Variants in GPT2 observed in about 807,000 individuals in gnomAD.
GPT2 encodes alanine aminotransferase 2.
Under a neutral mutation model 56.9 loss-of-function variants are expected in GPT2, and 30 were observed. That is an observed-to-expected ratio of 0.53 (90% confidence interval 0.39 to 0.72). The LOEUF is 0.72. Ranked by LOEUF, GPT2 falls within the 30% of genes least tolerant of loss-of-function variation. GPT2 has a pLI of 0.00. For missense variants in GPT2, 542 were observed against 703.4 expected, an observed-to-expected ratio of 0.77 and a Z score of 2.60; for synonymous variants, 271 against 283.1, an observed-to-expected ratio of 0.96 and a Z score of 0.43.
At chr16:46,910,523 C>G (rs1281364230) in intron 6 of GPT2, among the ~76,000 whole-genome samples, 1 of 151,986 alleles carries the variant, frequency 6.6e-6, no homozygotes, top group Non-Finnish European at 1.5e-5. Flanking sequence ...CCACTGCACT[C>G]CAGCCTGGGC....
At chr16:46,912,062 A>G (rs1961056605) in intron 6 of GPT2, among the ~76,000 whole-genome samples, 2 of 152,172 alleles carry the variant, frequency 1.3e-5, no homozygotes, top group Admixed American at 1.3e-4. Context: ...CAGCTGTGAG[A>G]AGAGGGTCTC....
chr16:46,917,507 A>G (rs1392997875), intron 7 of GPT2, among the ~76,000 whole-genome samples: 1 of 152,180 alleles, frequency 6.6e-6, no homozygotes, highest in African/African-American at 2.4e-5. Flanking sequence ...CCAGTTCTGG[A>G]ACCAGGGTCT....
chr16:46,908,726 G>T (rs897389653), intron 5 of GPT2, among the ~76,000 whole-genome samples: 4 of 152,152 alleles, frequency 2.6e-5, no homozygotes, highest in Non-Finnish European at 5.9e-5. Flanking sequence ...ATTGCCTTCT[G>T]CTGTCAAGGC....
In GPT2 at chr16:46,929,990, T is replaced by A. The variant is rs1410273455; in HGVS notation, c.*993T>A. 1.3e-5 allele frequency: 2 copies of A among 152,866 alleles called. No individual in the cohort carries two copies. Among genetic ancestry groups the A allele is most frequent in the Non-Finnish European group, 2.9e-5 (2 of 68,098 alleles). The allele number at this position is 152,866 out of a possible 1,614,324, so 9.5% of individuals were successfully genotyped here. A position where few individuals can be genotyped will look rare whatever the true frequency, so the allele number is the denominator to read the frequency against. On this transcript the variant is annotated 3_prime_UTR_variant, in exon 12 of 12. Coordinates refer to ENST00000340124, the MANE Select transcript of GPT2 (RefSeq NM_133443.4). ...GAGCAGCCAAGGCCCTGTCCTTTCT[T>A]GAATGGTGGCGAGCTGAATCTGGTC... is the stretch of plus-strand genomic sequence containing the variant.
chr16:46,885,080 C>T (rs1291567193), intron 2 of GPT2, 122 bp downstream of exon 2: 4 of 1,350,500 alleles, frequency 3.0e-6, no homozygotes, highest in Admixed American at 3.5e-5. Context: ...GTCAGCCAAG[C>T]CTGGCTAAAA....
rs982327526 is a variant in GPT2 at position 46,927,053 on chromosome 16, C to A, written c.1481+16C>A. Reference sequence around the variant, plus strand: ...ACCACTTCAGGTATGACTTCCTCTCCGCACTAGGGGCTGGTCCGGGTCTTG... The same window carrying A: ...ACCACTTCAGGTATGACTTCCTCTCAGCACTAGGGGCTGGTCCGGGTCTTG... On this transcript the variant is annotated intron_variant, in intron 11 of 11. Transcript: ENST00000340124. 2 of 1,499,588 alleles carry A rather than the reference C, an allele frequency of 1.3e-6. No homozygotes were observed. The highest frequency in any genetic ancestry group is 1.9e-5 in the Admixed American group (1 of 51,642). 92.9% of individuals were successfully genotyped at this position (1,499,588 alleles called of 1,614,324 possible).
At chr16:46,910,988 T>TA (rs1385760283) in intron 6 of GPT2, among the ~76,000 whole-genome samples, 1 of 152,194 alleles carries the variant, frequency 6.6e-6, no homozygotes, top group Non-Finnish European at 1.5e-5. Context: ...CTCACAAACT[T>TA]ACCGTTAATC....
At chr16:46,921,917 A>C (rs1221104258) in intron 8 of GPT2, among the ~76,000 whole-genome samples, 2 of 152,094 alleles carry the variant, frequency 1.3e-5, no homozygotes, top group Non-Finnish European at 2.9e-5. Context: ...CCACCTACAC[A>C]CAGGTGTGGC....
At chr16:46,927,616 C>T (rs1325112861) in intron 11 of GPT2, among the ~76,000 whole-genome samples, 1 of 152,212 alleles carries the variant, frequency 6.6e-6, no homozygotes, top group African/African-American at 2.4e-5. Flanking sequence ...CAACATCTTC[C>T]CCATACATGT....
intron 2 of GPT2, among the ~76,000 whole-genome samples, chr16:46,892,864 G>C (rs1429514142): frequency 2.6e-5 from 4 of 152,128 alleles, no homozygotes; most frequent in African/African-American, 7.2e-5. Context: ...TACAAATACA[G>C]TTGTCTCTCA....
intron 11 of GPT2, 73 bp downstream of exon 11, chr16:46,927,110 C>A: frequency 1.1e-6 from 1 of 894,998 alleles, no homozygotes; most frequent in South Asian, 1.7e-5. Context: ...TGACATGGAG[C>A]AGAGGACTAC....
intron 6 of GPT2, among the ~76,000 whole-genome samples, chr16:46,912,294 C>G (rs1249504445): frequency 6.6e-6 from 1 of 152,180 alleles, no homozygotes; most frequent in Non-Finnish European, 1.5e-5. Flanking sequence ...ACAGGAGCCT[C>G]GGTACCCTCC....
chr16:46,910,422 G>A (rs1961026568), intron 6 of GPT2, among the ~76,000 whole-genome samples: 1 of 146,780 alleles, frequency 6.8e-6, no homozygotes, highest in African/African-American at 2.5e-5. Flanking sequence ...AGCCAGGTGT[G>A]GTGGTACATG....
intron 2 of GPT2, among the ~76,000 whole-genome samples, chr16:46,889,029 T>G (rs2143332063): frequency 6.6e-6 from 1 of 151,896 alleles, no homozygotes; most frequent in Non-Finnish European, 1.5e-5. Context: ...CCATACTGTT[T>G]GCAGAGCACC....
intron 7 of GPT2, among the ~76,000 whole-genome samples, chr16:46,917,737 TAC>T (rs1444923870): frequency 6.6e-6 from 1 of 151,834 alleles, no homozygotes; most frequent in African/African-American, 2.4e-5. Context: ...CATATGTACA[TAC>T]AGACACACAC....
chr16:46,921,042 G>A (rs1346093238), intron 8 of GPT2, among the ~76,000 whole-genome samples: 1 of 152,050 alleles, frequency 6.6e-6, no homozygotes, highest in Non-Finnish European at 1.5e-5. Context: ...TTCCATTTTT[G>A]TTACCAGACA....
chr16:46,897,793 G>A (rs1960712953), intron 3 of GPT2, 56 bp downstream of exon 3: 2 of 1,504,934 alleles, frequency 1.3e-6, no homozygotes, highest in African/African-American at 2.7e-5. Context: ...GGCTGGGCGG[G>A]CCGTCATAGG....
At chr16:46,901,736 T>G (rs1489064688) in intron 4 of GPT2, among the ~76,000 whole-genome samples, 1 of 152,022 alleles carries the variant, frequency 6.6e-6, no homozygotes, top group Non-Finnish European at 1.5e-5. Context: ...GCTCCGTCCC[T>G]TATTGACGGC....
chr16:46,892,770 G>GT (rs1191194557), intron 2 of GPT2, among the ~76,000 whole-genome samples: 9 of 151,862 alleles, frequency 5.9e-5, no homozygotes, highest in Admixed American at 1.3e-4. Flanking sequence ...GGTTTAATCA[G>GT]TTTTTTTTCT....
Sources: allele counts gnomAD v4.1 joint callset (sites outside exome capture counted in the v4.1 genomes callset), GRCh38; gene constraint gnomAD v4.1.1; transcripts MANE v1.5; gene names NCBI Gene and HGNC (gene_info 2026-07-23, HGNC 2026-07-21).